Variants in PIK3C2G observed in about 807,000 individuals in gnomAD.
The protein encoded by PIK3C2G is phosphatidylinositol 3-kinase C2 domain-containing subunit gamma.
PIK3C2G carries 168 observed loss-of-function variants against 181.1 expected under a neutral mutation model. The ratio of observed to expected loss-of-function variants is 0.93; its 90% CI spans 0.82 to 1.05. The LOEUF (loss-of-function observed/expected upper bound fraction) is 1.05, where lower values mean the gene tolerates loss of function less well. Among genes scored for constraint, PIK3C2G ranks in the 50% least tolerant of loss-of-function variants. PIK3C2G has a pLI of 0.00. For missense variants in PIK3C2G, 1,869 were observed against 1,732.8 expected (o/e 1.08, Z -1.40); for synonymous variants, 573 against 592.2 (o/e 0.97, Z 0.47).
intron 18 of PIK3C2G, among the ~76,000 whole-genome samples, chr12:18,430,699 G>A (rs893335731): frequency 6.6e-6 from 1 of 152,158 alleles, no homozygotes; most frequent in African/African-American, 2.4e-5. Context: ...GATCAGAAAC[G>A]AGGCAATGGA....
chr12:18,693,176 C>T, the PIK3C2G span: 1 of 1,548,132 alleles, frequency 6.5e-7, no homozygotes, highest in South Asian at 1.1e-5. Context: ...AACACTACAT[C>T]AGCATTCTTT....
At chr12:18,658,213 A>G in the PIK3C2G span, among the ~76,000 whole-genome samples, 1 of 152,186 alleles carries the variant, frequency 6.6e-6, no homozygotes, top group Non-Finnish European at 1.5e-5. Flanking sequence ...CACCAAGTAT[A>G]TTAACATTTG....
the PIK3C2G span, chr12:18,684,316 A>T: frequency 6.4e-7 from 1 of 1,554,666 alleles, no homozygotes; most frequent in South Asian, 1.1e-5. Context: ...AGAATAATAG[A>T]TACCATATCT....
intron 30 of PIK3C2G, among the ~76,000 whole-genome samples, chr12:18,603,446 A>G (rs1263863063): frequency 6.6e-6 from 1 of 152,192 alleles, no homozygotes; most frequent in African/African-American, 2.4e-5. Context: ...TGGAAAACAT[A>G]TCTGGGGGAA....
At chr12:18,273,537 G>A (rs962291524) in intron 1 of PIK3C2G, among the ~76,000 whole-genome samples, 1 of 152,230 alleles carries the variant, frequency 6.6e-6, no homozygotes, top group South Asian at 2.1e-4. Flanking sequence ...GATGGGGATG[G>A]CATTGAATCT....
chr12:18,666,500 A>G, the PIK3C2G span, among the ~76,000 whole-genome samples: 6 of 152,252 alleles, frequency 3.9e-5, no homozygotes, highest in East Asian at 1.2e-3. Flanking sequence ...ATATAATATA[A>G]AAGTATCCAT....
chr12:18,711,529 T>TATAGTA, the PIK3C2G span, among the ~76,000 whole-genome samples: 1 of 142,462 alleles, frequency 7.0e-6, no homozygotes, highest in Non-Finnish European at 1.5e-5. Context: ...AAACTTAAAG[T>TATAGTA]ATAATAATAA....
intron 11 of PIK3C2G, chr12:18,359,115 A>G (rs1256657272): frequency 6.6e-6 from 1 of 152,422 alleles, no homozygotes; most frequent in Admixed American, 6.5e-5. Context: ...CACCTGGGCA[A>G]GATGCTCTCC....
At chr12:18,696,451 T>C in the PIK3C2G span, among the ~76,000 whole-genome samples, 1 of 150,502 alleles carries the variant, frequency 6.6e-6, no homozygotes, top group Non-Finnish European at 1.5e-5. Context: ...TTTATGTTTA[T>C]AGTATAATTC....
At chr12:18,615,438 T>C (rs992887586) in intron 31 of PIK3C2G, among the ~76,000 whole-genome samples, 6 of 151,430 alleles carry the variant, frequency 4.0e-5, no homozygotes, top group Non-Finnish European at 7.4e-5. Flanking sequence ...TATATATATA[T>C]ACCTAAAATA....
chr12:18,490,424 T>A (rs575249637), intron 19 of PIK3C2G, among the ~76,000 whole-genome samples: 57 of 152,256 alleles, frequency 3.7e-4, no homozygotes, highest in African/African-American at 1.3e-3. Context: ...CACAAAAAAA[T>A]TTTTCTACCA....
chr12:18,488,513 C>T lies in PIK3C2G; in HGVS notation c.2569C>T (p.Leu857Phe). 2 of 1,585,068 alleles carry T rather than the reference C, an allele frequency of 1.3e-6. No individual in the cohort carries two copies. The highest frequency in any genetic ancestry group is 1.4e-5 in the African/African-American group (1 of 73,304). ...KSWYQKLLAALQFCAGKALND... is the reference protein window; with the variant it reads ...KSWYQKLLAAFQFCAGKALND... Reference sequence around the variant, plus strand: ...CTGGTATCAGAAGCTACTAGCTGCTCTCCAATTCTGTGCAGGTAAAGCCTT... The same window carrying T: ...CTGGTATCAGAAGCTACTAGCTGCTTTCCAATTCTGTGCAGGTAAAGCCTT... The change falls in exon 19 of 33, where the codon CTC (leucine) becomes TTC (phenylalanine). Residue 857 changes from leucine (L) to phenylalanine (F), a missense_variant. Leu to Phe is a conservative substitution (Grantham distance 22). Transcript: ENST00000538779.
At chr12:18,567,293 G>A (rs930231031) in intron 29 of PIK3C2G, among the ~76,000 whole-genome samples, 7 of 151,978 alleles carry the variant, frequency 4.6e-5, no homozygotes, top group Non-Finnish European at 1.0e-4. Flanking sequence ...CAGCTATTCA[G>A]GAGGCTGAGG....
At chr12:18,604,250 T>A (rs1277629756) in intron 30 of PIK3C2G, among the ~76,000 whole-genome samples, 1 of 152,158 alleles carries the variant, frequency 6.6e-6, no homozygotes, top group Non-Finnish European at 1.5e-5. Context: ...GCTATTCTTA[T>A]ATCAGACAAA....
At chr12:18,633,701 C>T (rs1949462067) in intron 31 of PIK3C2G, among the ~76,000 whole-genome samples, 1 of 152,196 alleles carries the variant, frequency 6.6e-6, no homozygotes, top group Non-Finnish European at 1.5e-5. Flanking sequence ...GGATCAATCA[C>T]TCTAGCCAGA....
At chr12:18,521,962 A>G (rs1275332605) in intron 24 of PIK3C2G, among the ~76,000 whole-genome samples, 1 of 152,132 alleles carries the variant, frequency 6.6e-6, no homozygotes, top group Non-Finnish European at 1.5e-5. Context: ...TAGCACGCTC[A>G]CTTACTGCCT....
rs140592135 is a variant in PIK3C2G at position 18,319,359 on chromosome 12, C to A, written c.1138-1603C>A. ...AAAAATTTTAACTTTTTCCTTTTTC[C>A]TTAAGGCCAAGGTATGGCCTCAGCT... On this transcript the variant is annotated intron_variant, in intron 6 of 32. Coordinates refer to ENST00000538779, the MANE Select transcript of PIK3C2G (RefSeq NM_001288772.2). Among the ~76,000 whole-genome samples the A allele has an allele frequency of 6.4e-3, 972 of 151,898 alleles. 9 individuals carry two copies. The highest frequency in any genetic ancestry group is 0.023 in the African/African-American group (936 of 41,466).
rs372591930 is a variant in PIK3C2G at position 18,563,510 on chromosome 12, T to C, written c.3902+12T>C. ...CTGACTCTCCCAGAGTAAGGCACTG[T>C]CCTTTTACATTGTTTTGCCTTCAGT... On this transcript the variant is annotated intron_variant, in intron 28 of 32. Coordinates refer to ENST00000538779, the MANE Select transcript of PIK3C2G (RefSeq NM_001288772.2). 1.6e-5 allele frequency: 25 copies of C among 1,612,898 alleles called. No homozygotes were observed. The African/African-American group carries it at 2.9e-4, about 19-fold the overall frequency.
At chr12:18,501,332 G>A (rs938221888) in intron 22 of PIK3C2G, among the ~76,000 whole-genome samples, 1 of 152,132 alleles carries the variant, frequency 6.6e-6, no homozygotes, top group Non-Finnish European at 1.5e-5. Context: ...GGAGAATGGG[G>A]TACCTGCTAA....
Sources: gnomAD v4.1 joint callset for allele counts (sites outside exome capture counted in the v4.1 genomes callset) on GRCh38, gnomAD v4.1.1 for gene constraint, MANE v1.5 for transcripts, NCBI Gene and HGNC (gene_info 2026-07-23, HGNC 2026-07-21) for gene names.